Variants in PPARGC1A observed in about 807,000 individuals in gnomAD.
PPARGC1A encodes peroxisome proliferator-activated receptor gamma coactivator 1-alpha.
Under a neutral mutation model 88.7 loss-of-function variants are expected in PPARGC1A, and 25 were observed. The ratio of observed to expected loss-of-function variants is 0.28; its 90% CI spans 0.21 to 0.39. The LOEUF (loss-of-function observed/expected upper bound fraction) is 0.39, where lower values mean the gene tolerates loss of function less well. Among genes scored for constraint, PPARGC1A ranks in the 10% least tolerant of loss-of-function variants. The probability of loss-of-function intolerance (pLI) is 1.00; values close to 1 mark genes in which losing one functional copy is unlikely to be tolerated. For synonymous variants in PPARGC1A, 363 were observed against 355.6 expected, an observed-to-expected ratio of 1.02 and a Z score of -0.24; for missense variants, 880 against 968.7, an observed-to-expected ratio of 0.91 and a Z score of 1.22.
chr4:24,098,790 C>A, the PPARGC1A span, among the ~76,000 whole-genome samples: 1 of 152,168 alleles, frequency 6.6e-6, no homozygotes, highest in African/African-American at 2.4e-5. Flanking sequence ...CAGATGACTT[C>A]ATCCACAGTG....
At chr4:23,919,715 G>T in the PPARGC1A span, among the ~76,000 whole-genome samples, 49 of 151,952 alleles carry the variant, frequency 3.2e-4, no homozygotes, top group Admixed American at 7.9e-4. Flanking sequence ...TTGAGTGATG[G>T]CCCTTACACT....
At chr4:23,836,985 A>G (rs536088823) in intron 2 of PPARGC1A, among the ~76,000 whole-genome samples, 2 of 152,330 alleles carry the variant, frequency 1.3e-5, no homozygotes, top group East Asian at 3.9e-4. Flanking sequence ...GCGAGCTATT[A>G]TGAAAGGACC....
the PPARGC1A span, among the ~76,000 whole-genome samples, chr4:24,076,189 C>T: frequency 6.6e-6 from 1 of 152,146 alleles, no homozygotes; most frequent in African/African-American, 2.4e-5. Flanking sequence ...GTGTTCATCT[C>T]TCACATTCAT....
At chr4:24,086,694 T>TG in the PPARGC1A span, among the ~76,000 whole-genome samples, 1 of 152,144 alleles carries the variant, frequency 6.6e-6, no homozygotes, top group Non-Finnish European at 1.5e-5. Flanking sequence ...GCTTTGCACA[T>TG]GGGGGGTATT....
the PPARGC1A span, among the ~76,000 whole-genome samples, chr4:24,241,267 AC>A: frequency 6.6e-6 from 1 of 152,220 alleles, no homozygotes; most frequent in African/African-American, 2.4e-5. Flanking sequence ...CTTAGAAAAT[AC>A]TTTTGTAAAA....
chr4:23,914,525 AC>A, the PPARGC1A span, among the ~76,000 whole-genome samples: 1 of 152,216 alleles, frequency 6.6e-6, no homozygotes, highest in Admixed American at 6.5e-5. Context: ...TCACAAACAC[AC>A]CACCTCTAAA....
At chr4:24,322,989 C>G in the PPARGC1A span, among the ~76,000 whole-genome samples, 224 of 152,310 alleles carry the variant, frequency 1.5e-3, 1 homozygote, top group Non-Finnish European at 2.6e-3. Flanking sequence ...CATATACTAT[C>G]ACATCATCCA....
the PPARGC1A span, among the ~76,000 whole-genome samples, chr4:24,222,695 CA>C: frequency 6.6e-6 from 1 of 152,156 alleles, no homozygotes; most frequent in Admixed American, 6.5e-5. Flanking sequence ...TTCTCAGAAA[CA>C]AAAATTGATT....
the PPARGC1A span, among the ~76,000 whole-genome samples, chr4:24,375,323 G>C: frequency 6.6e-6 from 1 of 152,134 alleles, no homozygotes; most frequent in Non-Finnish European, 1.5e-5. Context: ...AGTCCGATTT[G>C]TCAAGTTTAT....
the PPARGC1A span, among the ~76,000 whole-genome samples, chr4:24,352,155 G>A: frequency 6.6e-6 from 1 of 152,124 alleles, no homozygotes; most frequent in Non-Finnish European, 1.5e-5. Flanking sequence ...GAGGCCAGGA[G>A]AAGCCTGGGA....
At chr4:24,456,349 G>T in the PPARGC1A span, among the ~76,000 whole-genome samples, 1 of 152,136 alleles carries the variant, frequency 6.6e-6, no homozygotes, top group Non-Finnish European at 1.5e-5. Context: ...ATTCACATTG[G>T]GTGACCATGA....
At chr4:24,379,384 T>A in the PPARGC1A span, among the ~76,000 whole-genome samples, 4 of 152,136 alleles carry the variant, frequency 2.6e-5, no homozygotes, top group Non-Finnish European at 5.9e-5. Context: ...GTAGGGTGAC[T>A]ATAGTTAGCA....
At chr4:24,278,885 A>G in the PPARGC1A span, among the ~76,000 whole-genome samples, 1 of 152,154 alleles carries the variant, frequency 6.6e-6, no homozygotes, top group Non-Finnish European at 1.5e-5. Context: ...AAGCATCCAC[A>G]TCAACACTCT....
At chr4:23,925,331 C>T in the PPARGC1A span, among the ~76,000 whole-genome samples, 9 of 152,134 alleles carry the variant, frequency 5.9e-5, no homozygotes, top group Non-Finnish European at 1.2e-4. Context: ...CACCAATCCC[C>T]GCAGGCCATG....
intron 12 of PPARGC1A, 48 bp downstream of exon 12, chr4:23,801,682 G>T: frequency 6.3e-7 from 1 of 1,599,748 alleles, no homozygotes; most frequent in South Asian, 1.1e-5. Context: ...TTCCCATCTT[G>T]AGCTCTACAT....
At chr4:24,100,291 A>T in the PPARGC1A span, among the ~76,000 whole-genome samples, 1 of 152,172 alleles carries the variant, frequency 6.6e-6, no homozygotes, top group Admixed American at 6.5e-5. Context: ...CCTAGAGCAC[A>T]GGCTTAGGTT....
At chr4:24,321,118 G>T in the PPARGC1A span, among the ~76,000 whole-genome samples, 2 of 152,166 alleles carry the variant, frequency 1.3e-5, no homozygotes, top group Non-Finnish European at 2.9e-5. Context: ...AAGTCATCCT[G>T]TAAAGCTTCC....
chr4:24,033,828 C>T, the PPARGC1A span, among the ~76,000 whole-genome samples: 43 of 152,142 alleles, frequency 2.8e-4, no homozygotes, highest in Non-Finnish European at 4.3e-4. Flanking sequence ...GGAAGAGAGG[C>T]GGGCTGCGTG....
chr4:24,050,222 G>A, the PPARGC1A span, among the ~76,000 whole-genome samples: 7 of 141,482 alleles, frequency 4.9e-5, 1 homozygote, highest in African/African-American at 1.3e-4. Context: ...TTGAGATGGA[G>A]TCTTGCTCTG....
Sources: allele counts gnomAD v4.1 joint callset (sites outside exome capture counted in the v4.1 genomes callset), GRCh38; gene constraint gnomAD v4.1.1; transcripts MANE v1.5; gene names NCBI Gene and HGNC (gene_info 2026-07-23, HGNC 2026-07-21).